The following ABHD12B variants were observed in gnomAD, a reference collection of about 807,000 sequenced individuals.
ABHD12B encodes the protein protein ABHD12B.
ABHD12B carries 42 observed loss-of-function variants against 50.4 expected under a neutral mutation model. The ratio of observed to expected loss-of-function variants is 0.83; its 90% CI spans 0.65 to 1.08. The LOEUF is 1.08. Among genes scored for constraint, ABHD12B ranks in the 50% least tolerant of loss-of-function variants. The pLI is 0.00. For missense variants in ABHD12B, 479 were observed against 447.7 expected, an observed-to-expected ratio of 1.07 and a Z score of -0.63; for synonymous variants, 167 against 160.3, an observed-to-expected ratio of 1.04 and a Z score of -0.32.
intron 9 of ABHD12B, chr14:50,893,626 C>G (rs1182231334): frequency 6.4e-6 from 1 of 156,544 alleles, no homozygotes; most frequent in East Asian, 1.9e-4. Flanking sequence ...GGTGCCGTGA[C>G]TCGGATCGGG....
chr14:50,879,455 A>T (rs1415337136), intron 3 of ABHD12B, among the ~76,000 whole-genome samples: 2 of 152,236 alleles, frequency 1.3e-5, no homozygotes, highest in East Asian at 1.9e-4. Context: ...TGTTTGGCAC[A>T]TAAAGGGCAT....
chr14:50,872,139 C>T lies in ABHD12B; in HGVS notation c.-36C>T, dbSNP rs1253781716. 2.4e-6 allele frequency: 3 copies of T among 1,258,522 alleles called. No individual in the cohort carries two copies. Among genetic ancestry groups the T allele is most frequent in the Non-Finnish European group, 3.0e-6 (3 of 1,000,112 alleles). The allele number at this position is 1,258,522 out of a possible 1,614,324, so 78.0% of individuals were successfully genotyped here. A position where few individuals can be genotyped will look rare whatever the true frequency, so the allele number is the denominator to read the frequency against. ...GGGCGGCTGCTCCGGACTGCAGCTC[C>T]CGCGGCGGTGGCGGCGTATCGGGAC... On this transcript the variant is annotated 5_prime_UTR_variant, in exon 1 of 13. Transcript: ENST00000337334.
intron 1 of ABHD12B, among the ~76,000 whole-genome samples, chr14:50,875,328 G>A (rs974475620): frequency 2.0e-5 from 3 of 152,232 alleles, no homozygotes; most frequent in African/African-American, 7.2e-5. Flanking sequence ...TCGACTGAGT[G>A]AATTGGCACA....
chr14:50,889,064 C>G (rs112594497), intron 9 of ABHD12B, among the ~76,000 whole-genome samples, 161 bp downstream of exon 9: 3 of 152,232 alleles, frequency 2.0e-5, no homozygotes, highest in African/African-American at 7.2e-5. Context: ...AACCAGTTAC[C>G]ACAAAAGGGA....
In ABHD12B at chr14:50,888,894, C is replaced by T; in HGVS notation, c.771C>T (p.Pro257=). The change falls in exon 9 of 13, where the codon CCC becomes CCT. Residue 257 remains proline, a synonymous_variant. Transcript: ENST00000337334. ...TNMWVASINY[P]LLKIYRNIPG... is the part of the protein sequence containing the mutation. ...TGTGGGTTGCAAGTATCAATTATCC[C>T]TTGTTAAAGGTGAGACTCTGATTCA... 1 of 1,613,938 alleles carries T rather than the reference C, an allele frequency of 6.2e-7. No homozygotes were observed. The highest frequency in any genetic ancestry group is 8.5e-7 in the Non-Finnish European group (1 of 1,179,884).
chr14:50,892,651 G>A, intron 9 of ABHD12B: 1 of 942,094 alleles, frequency 1.1e-6, no homozygotes, highest in Non-Finnish European at 1.3e-6. Flanking sequence ...TTAATTTCTG[G>A]TTTTACCTGT....
At chr14:50,894,187 G>A (rs917154127) in intron 9 of ABHD12B, among the ~76,000 whole-genome samples, 1 of 137,396 alleles carries the variant, frequency 7.3e-6, no homozygotes, top group Non-Finnish European at 1.5e-5. Context: ...TTCATCCTTA[G>A]TGGCAAGTCC....
intron 9 of ABHD12B, among the ~76,000 whole-genome samples, chr14:50,889,724 G>A (rs1029053614): frequency 6.6e-5 from 10 of 152,186 alleles, no homozygotes; most frequent in Admixed American, 2.6e-4. Context: ...AGAGTTGTAC[G>A]TACGTGTAAA....
rs768921038 is a variant in ABHD12B at position 50,878,777 on chromosome 14, C to T, written c.265C>T (p.Pro89Ser). Residue 89 changes from proline (P) to serine (S), a missense_variant, in exon 3 of 13, where the codon CCA becomes TCA. Coordinates refer to ENST00000337334, the MANE Select transcript of ABHD12B (RefSeq NM_001206673.2). ...KAPFLVDLKKPELKIPHTVNF... is the reference protein window; with the variant it reads ...KAPFLVDLKKSELKIPHTVNF... ...CCCATTTCTTGTGGATTTAAAGAAA[C>T]CAGAGTTAAAGATTCCTCACACAGT... is the stretch of plus-strand genomic sequence containing the variant. The T allele has an allele frequency of 6.2e-7, 1 of 1,613,922 alleles. No homozygotes were observed. The highest frequency in any genetic ancestry group is 2.2e-5 in the East Asian group (1 of 44,884).
At chr14:50,902,889 T>C (rs2050278269) in intron 10 of ABHD12B, among the ~76,000 whole-genome samples, 1 of 152,228 alleles carries the variant, frequency 6.6e-6, no homozygotes, top group South Asian at 2.1e-4. Context: ...TAATCAGACC[T>C]GTTAACTGCA....
intron 9 of ABHD12B, among the ~76,000 whole-genome samples, chr14:50,894,858 G>C (rs923921084): frequency 1.4e-4 from 20 of 147,204 alleles, no homozygotes; most frequent in Non-Finnish European, 2.7e-4. Flanking sequence ...TCCCCTCCTC[G>C]CCAGGCCGAG....
chr14:50,882,093 G>C (rs1337026408), intron 5 of ABHD12B, among the ~76,000 whole-genome samples: 2 of 151,612 alleles, frequency 1.3e-5, no homozygotes, highest in East Asian at 3.9e-4. Context: ...CAACCACCAC[G>C]CCCGGCTAAT....
rs961308273 is a variant in ABHD12B, at chr14:50,878,977, T to C, written c.335+130T>C. The stretch of plus-strand genomic sequence containing the variant: ...CTGGAGGTACCTGGAGGCTGTTTCC[T>C]ACACCTTCCTCTTCTGTTGATTTGC... On this transcript the variant is annotated intron_variant, in intron 3 of 12. Coordinates refer to ENST00000337334, the MANE Select transcript of ABHD12B (RefSeq NM_001206673.2). The C allele has an allele frequency of 5.9e-5, 42 of 712,524 alleles. No individual in the cohort carries two copies. In the African/African-American group the frequency reaches 6.7e-4, roughly 11 times the overall value. 44.1% of individuals were successfully genotyped at this position (712,524 alleles called of 1,614,324 possible). A position where few individuals can be genotyped will look rare whatever the true frequency, so the allele number is the denominator to read the frequency against.
chr14:50,902,323 A>C (rs2050269466), intron 10 of ABHD12B, among the ~76,000 whole-genome samples: 1 of 152,108 alleles, frequency 6.6e-6, no homozygotes, highest in South Asian at 2.1e-4. Context: ...TCTCTACCAA[A>C]AAATTTTAAA....
chr14:50,881,928 T>TGCAAAATGGTCACTCC (rs2049956381), intron 5 of ABHD12B, among the ~76,000 whole-genome samples: 1 of 101,838 alleles, frequency 9.8e-6, no homozygotes, highest in Non-Finnish European at 2.0e-5. Context: ...TTGAGAGAGG[T>TGCAAAATGGTCACTCC]TTTTTTTGTT....
chr14:50,899,973 C>T (rs985436057), intron 9 of ABHD12B, among the ~76,000 whole-genome samples: 5 of 151,640 alleles, frequency 3.3e-5, no homozygotes, highest in African/African-American at 1.2e-4. Context: ...CACTGTGGCT[C>T]ATGCCTGTAA....
chr14:50,890,509 C>A (rs567527251), intron 9 of ABHD12B, among the ~76,000 whole-genome samples: 1 of 152,174 alleles, frequency 6.6e-6, no homozygotes, highest in Non-Finnish European at 1.5e-5. Context: ...ACCACCTGTA[C>A]ATGCATCTCT....
chr14:50,889,464 C>A (rs2050088046), intron 9 of ABHD12B, among the ~76,000 whole-genome samples: 1 of 152,090 alleles, frequency 6.6e-6, no homozygotes, highest in Non-Finnish European at 1.5e-5. Context: ...ATGGTGAAAC[C>A]CCGTCTCTAC....
At position 50,884,659 on chromosome 14, in the gene ABHD12B, TC is replaced by T. The variant is rs751140434; in HGVS notation, c.487-953del. Among the ~76,000 whole-genome samples the T allele has an allele frequency of 3.3e-5, 5 of 151,716 alleles. No homozygotes were observed. In the East Asian group the frequency reaches 7.7e-4, roughly 23 times the overall value. On this transcript the variant is annotated intron_variant, in intron 5 of 12. Coordinates refer to ENST00000337334, the MANE Select transcript of ABHD12B (RefSeq NM_001206673.2). Reference sequence around the variant, plus strand: ...AAAGTGCCTGCACAGTAAAATTTTGTCCTTTTTTATCTCTCTTTTCTTTATC... The same window carrying T: ...AAAGTGCCTGCACAGTAAAATTTTGTCTTTTTTATCTCTCTTTTCTTTATC...
Sources: gnomAD v4.1 joint callset for allele counts (sites outside exome capture counted in the v4.1 genomes callset) on GRCh38, gnomAD v4.1.1 for gene constraint, MANE v1.5 for transcripts, NCBI Gene and HGNC (gene_info 2026-07-23, HGNC 2026-07-21) for gene names.